The following NREP variants were observed in gnomAD, a reference collection of about 807,000 sequenced individuals.
NREP encodes the protein neuronal regeneration-related protein.
A neutral mutation model predicts 8.6 loss-of-function variants in NREP; 5 were observed. That is an observed-to-expected ratio of 0.58 (90% CI 0.30 to 1.22). The LOEUF (loss-of-function observed/expected upper bound fraction) is 1.22. NREP is among the 50% of genes most tolerant of loss of function. The pLI is 0.07. For missense variants in NREP, 86 were observed against 82.5 expected (o/e 1.04, Z -0.17); for synonymous variants, 27 against 28.0 (o/e 0.96, Z 0.11).
chr5:111,759,245 C>T (rs1029414558), upstream of NREP, among the ~76,000 whole-genome samples: 23 of 152,166 alleles, frequency 1.5e-4, no homozygotes, highest in African/African-American at 3.9e-4. Flanking sequence ...ACCCCAAGGG[C>T]GCACCATCAA....
chr5:111,844,591 A>G (rs1487992375), intron 2 of NREP, among the ~76,000 whole-genome samples: 1 of 149,334 alleles, frequency 6.7e-6, no homozygotes, highest in African/African-American at 2.4e-5. Flanking sequence ...CATTTATTTC[A>G]AGATTTATTT....
chr5:111,936,504 A>C (rs1427582750), intron 2 of NREP, among the ~76,000 whole-genome samples: 1 of 152,098 alleles, frequency 6.6e-6, no homozygotes, highest in Non-Finnish European at 1.5e-5. Context: ...TCTTAATAGT[A>C]GTGTAAAAAT....
chr5:111,790,948 C>A (rs1374386886), intron 2 of NREP, among the ~76,000 whole-genome samples: 1 of 152,082 alleles, frequency 6.6e-6, no homozygotes, highest in African/African-American at 2.4e-5. Context: ...GTGGGTTCAG[C>A]AGGGCCAACT....
At chr5:111,909,343 AAGACATGCAGAAC>A (rs1257683314) in intron 2 of NREP, among the ~76,000 whole-genome samples, 28 of 152,232 alleles carry the variant, frequency 1.8e-4, no homozygotes, top group African/African-American at 5.8e-4. Flanking sequence ...CCAATGGTTT[AAGACATGCAGAAC>A]AAAACACAAT....
chr5:111,790,347 CTTTTTTTTTTTTTT>C lies in NREP; in HGVS notation c.136-54854_136-54841del, dbSNP rs57775701. Among the ~76,000 whole-genome samples the C allele has an allele frequency of 3.0e-4, 18 of 59,642 alleles. No homozygotes were observed. In the East Asian group the frequency reaches 6.4e-3, roughly 21 times the overall value. 39.1% of individuals were successfully genotyped at this position (59,642 alleles called of 152,430 possible). On this transcript the variant is annotated intron_variant, in intron 2 of 3. Coordinates refer to the NREP transcript ENST00000395634. The stretch of plus-strand genomic sequence containing the variant: ...TCACCCTATACTTCAAAAACCTTAA[CTTTTTTTTTTTTTT>C]TTTTTTTTTTTTTTTTTTTTGTATT...
intron 2 of NREP, among the ~76,000 whole-genome samples, chr5:111,844,234 C>A (rs937132428): frequency 6.6e-6 from 1 of 151,938 alleles, no homozygotes; most frequent in African/African-American, 2.4e-5. Flanking sequence ...CACTGTTTTA[C>A]TTTTTTAAAT....
At chr5:111,833,677 T>C (rs1008084582) in intron 2 of NREP, among the ~76,000 whole-genome samples, 2 of 152,296 alleles carry the variant, frequency 1.3e-5, no homozygotes, top group Admixed American at 6.5e-5. Flanking sequence ...GTAACCTTAA[T>C]TAAATGCTAT....
chr5:111,822,330 G>A (rs1390932266), intron 2 of NREP, among the ~76,000 whole-genome samples: 2 of 152,176 alleles, frequency 1.3e-5, no homozygotes, highest in Admixed American at 1.3e-4. Context: ...TAAAAGACTG[G>A]GAAGCTAGAA....
intron 2 of NREP, among the ~76,000 whole-genome samples, chr5:111,907,972 T>G (rs927223091): frequency 1.3e-5 from 2 of 152,088 alleles, no homozygotes; most frequent in African/African-American, 4.8e-5. Context: ...GAGTATTTGT[T>G]TGTATATAAA....
At chr5:111,746,474 T>C (rs1197573167) in intron 2 of NREP, among the ~76,000 whole-genome samples, 2 of 152,104 alleles carry the variant, frequency 1.3e-5, no homozygotes, top group African/African-American at 4.8e-5. Context: ...TTGGAAAAGT[T>C]AAATCCAATT....
intron 2 of NREP, among the ~76,000 whole-genome samples, chr5:111,741,278 T>C (rs1749634763): frequency 6.6e-6 from 1 of 152,198 alleles, no homozygotes; most frequent in Non-Finnish European, 1.5e-5. Flanking sequence ...TTAAATAGTA[T>C]GTGTCTGCAT....
intron 2 of NREP, among the ~76,000 whole-genome samples, chr5:111,865,082 CAAT>C (rs1208853397): frequency 3.3e-5 from 5 of 152,184 alleles, no homozygotes; most frequent in Non-Finnish European, 7.4e-5. Context: ...CGTTCTGAAG[CAAT>C]AGACAGCATG....
At chr5:111,892,053 G>A (rs998088652) in intron 2 of NREP, among the ~76,000 whole-genome samples, 6 of 151,994 alleles carry the variant, frequency 3.9e-5, no homozygotes, top group Non-Finnish European at 8.8e-5. Flanking sequence ...GAAAAGTAAG[G>A]AACAAAATAA....
intron 2 of NREP, among the ~76,000 whole-genome samples, chr5:111,958,636 A>G (rs1423396688): frequency 1.3e-5 from 2 of 152,000 alleles, no homozygotes; most frequent in Non-Finnish European, 2.9e-5. Context: ...GCACAAAGCT[A>G]TTGAAGACAT....
chr5:111,820,192 A>T (rs1752485854), intron 2 of NREP, among the ~76,000 whole-genome samples: 1 of 152,160 alleles, frequency 6.6e-6, no homozygotes, highest in African/African-American at 2.4e-5. Flanking sequence ...ACCAACAAAC[A>T]GCTCAAAATG....
chr5:111,779,016 C>T (rs1018145732), intron 2 of NREP, among the ~76,000 whole-genome samples: 2 of 149,492 alleles, frequency 1.3e-5, no homozygotes, highest in Admixed American at 6.7e-5. Flanking sequence ...TATTGAAACT[C>T]CTTGATATAT....
chr5:111,927,483 A>G (rs1755421988), intron 2 of NREP, among the ~76,000 whole-genome samples: 1 of 152,152 alleles, frequency 6.6e-6, no homozygotes, highest in South Asian at 2.1e-4. Flanking sequence ...AAGGAAAGGA[A>G]AATCTTGGGA....
chr5:111,879,031 G>T (rs1272849586), intron 2 of NREP, among the ~76,000 whole-genome samples: 2 of 152,156 alleles, frequency 1.3e-5, no homozygotes, highest in East Asian at 3.8e-4. Context: ...AAGATGTTTG[G>T]ATCATGGGGG....
chr5:111,893,674 G>A (rs1378794821), intron 2 of NREP, among the ~76,000 whole-genome samples: 2 of 150,012 alleles, frequency 1.3e-5, no homozygotes, highest in African/African-American at 2.4e-5. Flanking sequence ...AATTGGTTAA[G>A]GGTTATATTT....
Sources: gnomAD v4.1 joint callset for allele counts (sites outside exome capture counted in the v4.1 genomes callset) on GRCh38, gnomAD v4.1.1 for gene constraint, MANE v1.5 for transcripts, NCBI Gene and HGNC (gene_info 2026-07-23, HGNC 2026-07-21) for gene names.